The following DOCK2 variants were observed in gnomAD, a reference collection of about 807,000 sequenced individuals.
DOCK2 encodes dedicator of cytokinesis protein 2.
Under a neutral mutation model 248.9 loss-of-function variants are expected in DOCK2, and 87 were observed. The ratio of observed to expected loss-of-function variants is 0.35; its 90% CI spans 0.29 to 0.42. The LOEUF is 0.42. DOCK2 is among the 10% of genes least tolerant of loss of function. The pLI, the probability that DOCK2 is intolerant of heterozygous loss-of-function variation, is 1.00. For synonymous variants in DOCK2, 805 were observed against 821.6 expected (o/e 0.98, Z 0.35); for missense variants, 1,747 against 2,300.2 (o/e 0.76, Z 4.92).
intron 22 of DOCK2, among the ~76,000 whole-genome samples, chr5:169,731,547 T>C (rs115784977): frequency 0.016 from 2,395 of 152,258 alleles, 66 homozygotes; most frequent in African/African-American, 0.055. Context: ...CTCGGCTATG[T>C]CTTTATCAGC....
At chr5:169,674,835 C>T (rs1191388989) in intron 6 of DOCK2, among the ~76,000 whole-genome samples, 1 of 152,212 alleles carries the variant, frequency 6.6e-6, no homozygotes, top group African/African-American at 2.4e-5. Context: ...CCTAAAGTAG[C>T]CAACCCACAC....
intron 33 of DOCK2, among the ~76,000 whole-genome samples, chr5:170,025,298 T>C (rs1045148072): frequency 2.0e-5 from 3 of 152,250 alleles, no homozygotes; most frequent in African/African-American, 7.2e-5. Context: ...TAAACTTTTA[T>C]TGGACTACAG....
At chr5:169,665,894 A>T (rs113923957) in intron 2 of DOCK2, among the ~76,000 whole-genome samples, 2,402 of 152,258 alleles carry the variant, frequency 0.016, 37 homozygotes, top group Non-Finnish European at 0.023. Context: ...GAGACTCTAG[A>T]TGTATTTGAT....
chr5:169,810,996 C>A, intron 26 of DOCK2, among the ~76,000 whole-genome samples: 1 of 144,674 alleles, frequency 6.9e-6, no homozygotes, highest in Non-Finnish European at 1.5e-5. Context: ...CTCTCACACA[C>A]ACACACACAC....
chr5:169,866,624 C>T (rs528596813), intron 27 of DOCK2, among the ~76,000 whole-genome samples: 50 of 152,210 alleles, frequency 3.3e-4, no homozygotes, highest in Non-Finnish European at 6.0e-4. Context: ...ACTGCTAATC[C>T]AGTGAATCTG....
intron 27 of DOCK2, among the ~76,000 whole-genome samples, chr5:169,956,400 T>G (rs145988837): frequency 6.6e-6 from 1 of 152,266 alleles, no homozygotes; most frequent in East Asian, 1.9e-4. Context: ...CTTAAATTCT[T>G]CCCTCCAGTC....
intron 27 of DOCK2, among the ~76,000 whole-genome samples, chr5:169,845,793 G>A (rs1183642009): frequency 6.6e-6 from 1 of 152,180 alleles, no homozygotes; most frequent in East Asian, 1.9e-4. Flanking sequence ...TGCTGAGAGG[G>A]GAGAGCCAGA....
chr5:169,674,892 AG>A (rs1386321960), intron 6 of DOCK2, among the ~76,000 whole-genome samples: 1 of 152,242 alleles, frequency 6.6e-6, no homozygotes, highest in African/African-American at 2.4e-5. Flanking sequence ...TTTCCTCAAA[AG>A]GGAAGAGAAG....
chr5:169,938,029 A>T (rs969503551), intron 27 of DOCK2, among the ~76,000 whole-genome samples: 3 of 152,318 alleles, frequency 2.0e-5, no homozygotes, highest in Admixed American at 2.0e-4. Context: ...AAATCCTGGG[A>T]GCCATTAAGT....
At chr5:169,747,298 T>G in intron 22 of DOCK2, 98 bp from the exon 23 acceptor site, 1 of 1,122,128 alleles carries the variant, frequency 8.9e-7, no homozygotes, top group Non-Finnish European at 1.3e-6. Context: ...CTCCCACTCC[T>G]TTTTGTTTTA....
intron 27 of DOCK2, among the ~76,000 whole-genome samples, chr5:169,878,388 A>G (rs1376821111): frequency 6.6e-6 from 1 of 152,238 alleles, no homozygotes; most frequent in Non-Finnish European, 1.5e-5. Flanking sequence ...AACAGGCAAT[A>G]TCACTTTTGG....
intron 29 of DOCK2, among the ~76,000 whole-genome samples, chr5:169,993,861 AG>A (rs1778270302): frequency 6.6e-6 from 1 of 151,836 alleles, no homozygotes; most frequent in African/African-American, 2.4e-5. Flanking sequence ...TCAATCAGTG[AG>A]GGGCTACAGC....
rs11321220 is a variant in DOCK2, at chr5:169,995,029, ATTTTTTT to A, written c.2994-1044_2994-1038del. 7.1e-5 allele frequency among the ~76,000 whole-genome samples: 10 copies of A among 140,520 alleles called. No homozygotes were observed. In the Admixed American group the frequency reaches 7.2e-4, roughly 10 times the overall value. 92.2% of individuals were successfully genotyped at this position (140,520 alleles called of 152,430 possible). A position where few individuals can be genotyped will look rare whatever the true frequency, so the allele number is the denominator to read the frequency against. ...CATTTGACCAGTATTGTTATTTTTT[ATTTTTTT>A]TTTTTTTTTTTTGAGAGAGACTCTC... is the stretch of plus-strand genomic sequence containing the variant. On this transcript the variant is annotated intron_variant, in intron 29 of 51. Transcript: ENST00000520908.
At chr5:169,711,736 A>T (rs925975809) in intron 15 of DOCK2, among the ~76,000 whole-genome samples, 199 bp from the exon 16 acceptor site, 4 of 152,248 alleles carry the variant, frequency 2.6e-5, no homozygotes, top group African/African-American at 9.6e-5. Flanking sequence ...CAAATGGATT[A>T]CATTTGGTAC....
intron 40 of DOCK2, 56 bp downstream of exon 40, chr5:170,047,670 A>C: frequency 3.2e-5 from 48 of 1,492,492 alleles, no homozygotes; most frequent in Non-Finnish European, 4.2e-5. Context: ...TCGGCATCTC[A>C]GCGGTCCTTC....
intron 27 of DOCK2, chr5:169,980,401 T>A (rs781761865): frequency 3.3e-5 from 5 of 152,190 alleles, no homozygotes; most frequent in African/African-American, 4.8e-5. Context: ...TAATTTTCAC[T>A]GTTTATATGC....
intron 33 of DOCK2, among the ~76,000 whole-genome samples, chr5:170,020,162 G>A (rs913567249): frequency 5.9e-5 from 9 of 151,974 alleles, no homozygotes; most frequent in East Asian, 3.9e-4. Flanking sequence ...AACTCTCCCC[G>A]CCTTACCTCT....
At chr5:169,995,397 A>G (rs1242727798) in intron 29 of DOCK2, among the ~76,000 whole-genome samples, 2 of 152,204 alleles carry the variant, frequency 1.3e-5, no homozygotes, top group Admixed American at 1.3e-4. Flanking sequence ...TATTTGATAT[A>G]CACAGAAGAG....
At chr5:169,903,072 T>TG (rs201154070) in intron 27 of DOCK2, among the ~76,000 whole-genome samples, 2,589 of 151,460 alleles carry the variant, frequency 0.017, 30 homozygotes, top group Middle Eastern at 0.068. Context: ...TACTCCAGCC[T>TG]GGCGACAGAG....
Sources: allele counts gnomAD v4.1 joint callset (sites outside exome capture counted in the v4.1 genomes callset), GRCh38; gene constraint gnomAD v4.1.1; transcripts MANE v1.5; gene names NCBI Gene and HGNC (gene_info 2026-07-23, HGNC 2026-07-21).